Variants in POM121C observed in about 807,000 individuals in gnomAD.
POM121C encodes POM121 transmembrane nucleoporin C.
In POM121C, 20 loss-of-function variants were observed where a neutral mutation model predicts 66.4. The observed-to-expected ratio is 0.30, with a 90% CI of 0.21 to 0.44. The LOEUF (loss-of-function observed/expected upper bound fraction) is 0.44. Ranked by LOEUF, POM121C falls within the 20% of genes least tolerant of loss-of-function variation. POM121C has a pLI of 1.00. For synonymous variants in POM121C, 286 were observed against 528.0 expected, an observed-to-expected ratio of 0.54 and a Z score of 6.28; for missense variants, 580 against 1,225.7, an observed-to-expected ratio of 0.47 and a Z score of 7.87.
At chr7:75,433,550 G>A (rs1426758405) in intron 7 of POM121C, among the ~76,000 whole-genome samples, 1 of 151,868 alleles carries the variant, frequency 6.6e-6, no homozygotes, top group South Asian at 2.1e-4. Context: ...TAATAGAGGC[G>A]GGGTTTCACC....
intron 3 of POM121C, among the ~76,000 whole-genome samples, chr7:75,446,215 CTT>C (rs1381286670): frequency 4.5e-5 from 6 of 133,946 alleles, no homozygotes; most frequent in African/African-American, 8.5e-5. Flanking sequence ...GCGTGTTGCT[CTT>C]GTCGCCCAGG....
chr7:75,466,294 A>C (rs1237424132), intron 3 of POM121C, among the ~76,000 whole-genome samples: 3 of 151,500 alleles, frequency 2.0e-5, no homozygotes, highest in Admixed American at 6.6e-5. Context: ...AAACAAGCAG[A>C]AAGAAGGAAA....
intron 3 of POM121C, among the ~76,000 whole-genome samples, chr7:75,450,210 T>C (rs1554475410): frequency 6.6e-6 from 1 of 152,202 alleles, no homozygotes; most frequent in Admixed American, 6.5e-5. Flanking sequence ...AGCCATGGTC[T>C]GTGGCATTTT....
chr7:75,485,914 G>A lies in POM121C; in HGVS notation c.-508C>T, dbSNP rs1215842380. On this transcript the variant is annotated 5_prime_UTR_variant, in exon 1 of 15. Transcript: ENST00000615331. ...CCCACGGCTCCCGAGAGGCCGGGGC[G>A]GGCTGCTGTCGCTGGCGCGCGCGTC... 6.0e-6 allele frequency: 3 copies of A among 501,032 alleles called. No individual in the cohort carries two copies. The highest frequency in any genetic ancestry group is 5.9e-5 in the East Asian group (1 of 17,092). 31.0% of individuals were successfully genotyped at this position (501,032 alleles called of 1,614,324 possible). A position where few individuals can be genotyped will look rare whatever the true frequency, so the allele number is the denominator to read the frequency against.
intron 1 of POM121C, among the ~76,000 whole-genome samples, chr7:75,478,139 A>C (rs1194830740): frequency 6.6e-6 from 1 of 151,678 alleles, no homozygotes; most frequent in Admixed American, 6.6e-5. Flanking sequence ...GCTAATTTTT[A>C]TATTTTTAGT....
rs782542937 is a variant in POM121C, at chr7:75,439,202, C to T, written c.250G>A (p.Gly84Arg). 1.2e-6 allele frequency: 2 copies of T among 1,614,254 alleles called. No homozygotes were observed. The highest frequency in any genetic ancestry group is 1.7e-6 in the Non-Finnish European group (2 of 1,180,042). ...ACCAGGGGCTCAAATGCTGAATGTC[C>T]ACTGCCACTGCTATCATGGCGCCTG... ...KRRRHDSSGS[G>R]HSAFEPLVAS... Residue 84 changes from glycine to arginine, a missense_variant, in exon 6 of 15, where the codon GGA becomes AGA. Gly to Arg is a moderately radical substitution (Grantham distance 125). Coordinates refer to ENST00000615331, the MANE Select transcript of POM121C (RefSeq NM_001099415.3).
chr7:75,426,746 T>C, intron 7 of POM121C, among the ~76,000 whole-genome samples: 1 of 56,744 alleles, frequency 1.8e-5, no homozygotes, highest in Non-Finnish European at 3.1e-5. Flanking sequence ...TGCAGTGAGC[T>C]GAGATTGCCC....
At chr7:75,428,951 GAA>G (rs34134180) in intron 7 of POM121C, among the ~76,000 whole-genome samples, 72 of 124,400 alleles carry the variant, frequency 5.8e-4, no homozygotes, top group Non-Finnish European at 6.4e-4. Context: ...TCTCTTCAAG[GAA>G]AAAAAAAAAA....
intron 1 of POM121C, among the ~76,000 whole-genome samples, chr7:75,476,018 G>A (rs1197917946): frequency 6.6e-6 from 1 of 152,156 alleles, no homozygotes; most frequent in Non-Finnish European, 1.5e-5. Context: ...GGTGGCTCAT[G>A]CCTATAATCC....
intron 3 of POM121C, among the ~76,000 whole-genome samples, chr7:75,466,618 T>TAA (rs1173506428): frequency 3.0e-5 from 4 of 131,938 alleles, no homozygotes; most frequent in African/African-American, 1.1e-4. Context: ...AAATAAAAAT[T>TAA]AAAAAAAAAA....
At chr7:75,479,547 C>G (rs587766289) in intron 1 of POM121C, among the ~76,000 whole-genome samples, 1 of 147,062 alleles carries the variant, frequency 6.8e-6, no homozygotes, top group Non-Finnish European at 1.5e-5. Context: ...ACCCAGGAGG[C>G]AGAGGTTGCA....
At chr7:75,466,298 A>G (rs1459395166) in intron 3 of POM121C, among the ~76,000 whole-genome samples, 3 of 151,404 alleles carry the variant, frequency 2.0e-5, no homozygotes, top group African/African-American at 7.3e-5. Flanking sequence ...AAGCAGAAAG[A>G]AGGAAATAGA....
At chr7:75,442,684 C>G (rs1275114922) in intron 3 of POM121C, 22 of 1,418,280 alleles carry the variant, frequency 1.6e-5, no homozygotes, top group Non-Finnish European at 2.0e-5. Context: ...GCCGCCGCCG[C>G]TCGCCTGCTC....
intron 7 of POM121C, among the ~76,000 whole-genome samples, chr7:75,432,114 G>A (rs587638092): frequency 1.3e-4 from 19 of 151,766 alleles, no homozygotes; most frequent in African/African-American, 4.6e-4. Flanking sequence ...GAACCCAGGA[G>A]GTGGAGGTTG....
chr7:75,464,620 C>A lies in POM121C; in HGVS notation c.-152+10084G>T, dbSNP rs587730703. The stretch of plus-strand genomic sequence containing the variant: ...TCTCAATAAAAGAATTTATTATAGA[C>A]AAACTAAAGCTTAGAGAAAAAAAGA... On this transcript the variant is annotated intron_variant, in intron 3 of 14. Transcript: ENST00000615331. 1.1e-4 allele frequency among the ~76,000 whole-genome samples: 16 copies of A among 149,524 alleles called. No homozygotes were observed. In the East Asian group the frequency reaches 3.1e-3, roughly 29 times the overall value.
At chr7:75,463,558 T>C (rs1370034107) in intron 3 of POM121C, among the ~76,000 whole-genome samples, 1 of 150,522 alleles carries the variant, frequency 6.6e-6, no homozygotes, top group Non-Finnish European at 1.5e-5. Context: ...AGACCGCACA[T>C]GTAAAAGAAG....
intron 3 of POM121C, among the ~76,000 whole-genome samples, chr7:75,469,377 C>T (rs1791790243): frequency 6.6e-6 from 1 of 152,130 alleles, no homozygotes; most frequent in Non-Finnish European, 1.5e-5. Context: ...AGATTACAGG[C>T]CTGAGCCACC....
chr7:75,460,252 G>C (rs1791400340), intron 3 of POM121C, among the ~76,000 whole-genome samples: 1 of 143,870 alleles, frequency 7.0e-6, no homozygotes, highest in Admixed American at 6.8e-5. Context: ...AGCACATTAG[G>C]GGGCCGAGGC....
chr7:75,478,535 A>G (rs1792180180), intron 1 of POM121C, among the ~76,000 whole-genome samples: 1 of 150,840 alleles, frequency 6.6e-6, no homozygotes, highest in Non-Finnish European at 1.5e-5. Context: ...GCACTGAGAG[A>G]GTTCATCGTT....
Sources: allele counts gnomAD v4.1 joint callset (sites outside exome capture counted in the v4.1 genomes callset), GRCh38; gene constraint gnomAD v4.1.1; transcripts MANE v1.5; gene names NCBI Gene and HGNC (gene_info 2026-07-23, HGNC 2026-07-21).